SPATA7: variants seen among roughly 807,000 people sequenced by gnomAD.
SPATA7 encodes spermatogenesis-associated protein 7.
A neutral mutation model predicts 51.8 loss-of-function variants in SPATA7; 43 were observed. That is an observed-to-expected ratio of 0.83 (90% CI 0.65 to 1.07). The LOEUF is 1.07. Among genes scored for constraint, SPATA7 ranks in the 50% least tolerant of loss-of-function variants. The probability of loss-of-function intolerance (pLI) is 0.00; values close to 1 mark genes in which losing one functional copy is unlikely to be tolerated. For missense variants in SPATA7, 683 were observed against 701.3 expected (o/e 0.97, Z 0.30); for synonymous variants, 230 against 252.8 (o/e 0.91, Z 0.86).
At chr14:88,447,747 T>C (rs2077224438) in intron 3 of SPATA7, among the ~76,000 whole-genome samples, 1 of 152,132 alleles carries the variant, frequency 6.6e-6, no homozygotes, top group Admixed American at 6.5e-5. Context: ...CTTCTGAAGC[T>C]TAGTTTGGCT....
At chr14:88,402,003 AAAC>A (rs2076075168) in intron 4 of SPATA7, among the ~76,000 whole-genome samples, 2 of 152,152 alleles carry the variant, frequency 1.3e-5, no homozygotes, top group Non-Finnish European at 1.5e-5. Context: ...TTCTGTACAC[AAAC>A]AACTGTCTGA....
intron 4 of SPATA7, among the ~76,000 whole-genome samples, chr14:88,400,330 C>A (rs896220428): frequency 1.1e-4 from 17 of 152,070 alleles, no homozygotes; most frequent in African/African-American, 4.1e-4. Context: ...AAAATTAGTA[C>A]TAAGAGAGTG....
At chr14:88,468,469 A>G (rs1049974039) in intron 4 of SPATA7, among the ~76,000 whole-genome samples, 10 of 152,282 alleles carry the variant, frequency 6.6e-5, no homozygotes, top group African/African-American at 1.9e-4. Flanking sequence ...CATGCAGACT[A>G]TTTCTTCAAC....
chr14:88,443,633 A>G (rs989681233), intron 3 of SPATA7, among the ~76,000 whole-genome samples: 1 of 118,892 alleles, frequency 8.4e-6, no homozygotes, highest in African/African-American at 3.3e-5. Flanking sequence ...CCCTCCCCCG[A>G]CCCCACGACC....
intron 5 of SPATA7, among the ~76,000 whole-genome samples, chr14:88,419,950 G>A (rs763120812): frequency 2.6e-5 from 4 of 152,106 alleles, no homozygotes; most frequent in Non-Finnish European, 4.4e-5. Flanking sequence ...CTTCAGTGCA[G>A]GTAGGACCTG....
chr14:88,458,315 G>A (rs186900493), downstream of SPATA7, among the ~76,000 whole-genome samples: 1 of 151,806 alleles, frequency 6.6e-6, no homozygotes, highest in Admixed American at 6.6e-5. Flanking sequence ...CCAGCTTCTT[G>A]TACCTCTAGT....
intron 4 of SPATA7, among the ~76,000 whole-genome samples, chr14:88,401,836 CAAAAA>C (rs57942112): frequency 6.0e-5 from 2 of 33,220 alleles, no homozygotes; most frequent in South Asian, 1.2e-3. Context: ...GACCCTGTCT[CAAAAA>C]AAAAAAAAAA....
chr14:88,456,778 T>A (rs2077286741), downstream of SPATA7, among the ~76,000 whole-genome samples: 1 of 152,214 alleles, frequency 6.6e-6, no homozygotes, highest in Non-Finnish European at 1.5e-5. Context: ...CTTTTGGTGT[T>A]TTAGACATGA....
At chr14:88,406,269 AAT>A (rs2076195495) in intron 4 of SPATA7, among the ~76,000 whole-genome samples, 1 of 152,004 alleles carries the variant, frequency 6.6e-6, no homozygotes, top group Non-Finnish European at 1.5e-5. Context: ...TTTATTGAAA[AAT>A]AATTTACATA....
At chr14:88,443,489 A>AT (rs1258508579) in intron 3 of SPATA7, among the ~76,000 whole-genome samples, 4 of 151,586 alleles carry the variant, frequency 2.6e-5, no homozygotes, top group Non-Finnish European at 4.4e-5. Context: ...TTATTTATTT[A>AT]TTATTATTAT....
chr14:88,461,725 C>G (rs2077318817), intron 4 of SPATA7, among the ~76,000 whole-genome samples: 1 of 151,330 alleles, frequency 6.6e-6, no homozygotes, highest in Non-Finnish European at 1.5e-5. Flanking sequence ...CCTGCCCCCA[C>G]TGTCCGACAA....
At chr14:88,425,010 A>G (rs2076749569) in intron 5 of SPATA7, among the ~76,000 whole-genome samples, 1 of 152,196 alleles carries the variant, frequency 6.6e-6, no homozygotes, top group Non-Finnish European at 1.5e-5. Context: ...CTAAAATCAT[A>G]TAATTTTCAA....
intron 10 of SPATA7, among the ~76,000 whole-genome samples, chr14:88,435,681 G>C (rs2077066482): frequency 6.6e-6 from 1 of 152,114 alleles, no homozygotes; most frequent in Non-Finnish European, 1.5e-5. Flanking sequence ...AGAATGCAAT[G>C]TTTGTCTTTC....
intron 4 of SPATA7, chr14:88,466,183 T>TA (rs2077359863): frequency 6.6e-6 from 1 of 152,202 alleles, no homozygotes; most frequent in South Asian, 2.1e-4. Flanking sequence ...CACTTAGTTC[T>TA]ACTGTTCTTT....
intron 7 of SPATA7, chr14:88,428,034 G>C (rs1380405759): frequency 1.1e-5 from 2 of 175,272 alleles, no homozygotes; most frequent in Admixed American, 6.0e-5. Context: ...CAGCAGAGTA[G>C]TGCAGAAGTT....
Position 88,397,187 on chromosome 14 carries a change from G to A in SPATA7, c.238+984G>A, listed in dbSNP as rs144367411. 4.7e-3 allele frequency among the ~76,000 whole-genome samples: 722 copies of A among 152,290 alleles called. 5 individuals are homozygous for A. The highest frequency in any genetic ancestry group is 8.6e-3 in the Non-Finnish European group (586 of 68,004). On this transcript the variant is annotated intron_variant, in intron 4 of 11. Coordinates refer to ENST00000393545, the MANE Select transcript of SPATA7 (RefSeq NM_018418.5). The stretch of plus-strand genomic sequence containing the variant: ...TTATAGGCGTGAGCCACTGCACCCA[G>A]TGACCATATTGCTTTCTATAGCAGC...
At chr14:88,408,453 A>G (rs1413104496) in intron 4 of SPATA7, among the ~76,000 whole-genome samples, 2 of 152,110 alleles carry the variant, frequency 1.3e-5, no homozygotes. Context: ...TTGCACATTG[A>G]TTTTGTATCC....
At chr14:88,408,283 C>G (rs2076249348) in intron 4 of SPATA7, among the ~76,000 whole-genome samples, 1 of 152,118 alleles carries the variant, frequency 6.6e-6, no homozygotes, top group East Asian at 1.9e-4. Context: ...TCTCTTATTT[C>G]CTTGAGCAGT....
intron 3 of SPATA7, among the ~76,000 whole-genome samples, chr14:88,450,539 T>G (rs921523515): frequency 3.3e-5 from 5 of 152,186 alleles, no homozygotes; most frequent in Non-Finnish European, 7.4e-5. Context: ...AGACTGTATC[T>G]TTCCTTCATT....
Sources: gnomAD v4.1 joint callset for allele counts (sites outside exome capture counted in the v4.1 genomes callset) on GRCh38, gnomAD v4.1.1 for gene constraint, MANE v1.5 for transcripts, NCBI Gene and HGNC (gene_info 2026-07-23, HGNC 2026-07-21) for gene names.